The following GALNT15 variants were observed in gnomAD, a reference collection of about 807,000 sequenced individuals.
GALNT15 encodes the protein polypeptide N-acetylgalactosaminyltransferase 15, also known as UDP-GalNAc transferase T15.
GALNT15 carries 67 observed loss-of-function variants against 66.8 expected under a neutral mutation model. That is an observed-to-expected ratio of 1.00 (90% CI 0.82 to 1.23). The LOEUF is 1.23. Among genes scored for constraint, GALNT15 ranks in the 50% most tolerant of loss-of-function variants. The pLI, the probability that GALNT15 is intolerant of heterozygous loss-of-function variation, is 0.00. For synonymous variants in GALNT15, 313 were observed against 311.5 expected, an observed-to-expected ratio of 1.00 and a Z score of -0.05; for missense variants, 827 against 804.3, an observed-to-expected ratio of 1.03 and a Z score of -0.34.
chr3:16,174,921 A>C lies in GALNT15; in HGVS notation c.-231A>C, dbSNP rs1574964074. The C allele has an allele frequency of 1.9e-6, 1 of 524,190 alleles. No individual in the cohort carries two copies. The highest frequency in any genetic ancestry group is 3.4e-5 in the South Asian group (1 of 29,544). The allele number at this position is 524,190 out of a possible 1,614,324, so 32.5% of individuals were successfully genotyped here. A position where few individuals can be genotyped will look rare whatever the true frequency, so the allele number is the denominator to read the frequency against. On this transcript the variant is annotated 5_prime_UTR_variant, in exon 1 of 10. Transcript: ENST00000339732. The surrounding 1 kb of genome is among the most constrained non-coding windows in gnomAD (Gnocchi z 4.7). Reference sequence around the variant, plus strand: ...TGGGCTTTCAGAAGGCAATTAAAGAAATCCACTCAGAGAGGACTTGGGGTG... The same window carrying C: ...TGGGCTTTCAGAAGGCAATTAAAGACATCCACTCAGAGAGGACTTGGGGTG...
intron 1 of GALNT15, among the ~76,000 whole-genome samples, chr3:16,185,744 C>CAGAT (rs1286452272): frequency 1.1e-4 from 14 of 124,830 alleles, no homozygotes; most frequent in African/African-American, 4.8e-4. Context: ...TGGTGATAGA[C>CAGAT]AGACAGATAG....
At chr3:16,221,692 A>G (rs1048101085) in intron 8 of GALNT15, among the ~76,000 whole-genome samples, 5 of 152,196 alleles carry the variant, frequency 3.3e-5, no homozygotes, top group African/African-American at 1.2e-4. Context: ...TGCCACAGGA[A>G]AATGGTAAGA....
chr3:16,195,688 G>A lies in GALNT15; in HGVS notation c.540-72G>A. Reference sequence around the variant, plus strand: ...GGCAGCTCCAGCCAGAGCAAAGGAAGCGAGTTAGAGGGTGTGGAGTGTTTC... The same window carrying A: ...GGCAGCTCCAGCCAGAGCAAAGGAAACGAGTTAGAGGGTGTGGAGTGTTTC... On this transcript the variant is annotated intron_variant, in intron 1 of 9. Transcript: ENST00000339732. This position sits in a 1 kb window ranked among gnomAD's most constrained non-coding sequence, Gnocchi z 4.6. The A allele has an allele frequency of 7.2e-7, 1 of 1,386,516 alleles. No individual in the cohort carries two copies. The highest frequency in any genetic ancestry group is 9.9e-7 in the Non-Finnish European group (1 of 1,006,398). The allele number at this position is 1,386,516 out of a possible 1,614,324, so 85.9% of individuals were successfully genotyped here.
Position 16,228,394 on chromosome 3 carries a change from A to C in GALNT15, c.*894A>C. ...GGTGGCTCATGCCTGTAATTCCAGC[A>C]CTTTGGGAGGCAGAGTTGGGAGGAT... On this transcript the variant is annotated 3_prime_UTR_variant, in exon 10 of 10. Coordinates refer to ENST00000339732, the MANE Select transcript of GALNT15 (RefSeq NM_054110.5). 1.1e-6 allele frequency: 1 copy of C among 947,638 alleles called. No individual in the cohort carries two copies. The highest frequency in any genetic ancestry group is 1.3e-6 in the Non-Finnish European group (1 of 795,258). The allele number at this position is 947,638 out of a possible 1,614,324, so 58.7% of individuals were successfully genotyped here.
intron 6 of GALNT15, among the ~76,000 whole-genome samples, chr3:16,213,552 T>TGGCTGCTCAGC (rs1305076452): frequency 1.3e-5 from 2 of 151,952 alleles, no homozygotes; most frequent in Non-Finnish European, 2.9e-5. Context: ...AATTGGTCAG[T>TGGCTGCTCAGC]GGCTGCTCAG....
downstream of GALNT15, among the ~76,000 whole-genome samples, chr3:16,234,060 T>C (rs6800193): frequency 0.028 from 4,262 of 152,304 alleles, 187 homozygotes; most frequent in African/African-American, 0.096. Flanking sequence ...CAGCCACATC[T>C]AATAGCTAAA....
At chr3:16,235,204 T>C (rs2064119057), downstream of GALNT15, among the ~76,000 whole-genome samples, 1 of 152,160 alleles carries the variant, frequency 6.6e-6, no homozygotes, top group Non-Finnish European at 1.5e-5. Flanking sequence ...ATTACAGGTG[T>C]GAGCCACCGT....
chr3:16,233,031 C>T (rs2064098715), downstream of GALNT15, among the ~76,000 whole-genome samples: 1 of 149,620 alleles, frequency 6.7e-6, no homozygotes, highest in Non-Finnish European at 1.5e-5. Flanking sequence ...TTGCTTCTAA[C>T]GGATCTCTTT....
chr3:16,184,310 TC>T lies in GALNT15; in HGVS notation c.539+8623del, dbSNP rs987319713. Among the ~76,000 whole-genome samples the T allele has an allele frequency of 9.8e-5, 15 of 152,360 alleles. 1 individual carries two copies. The highest frequency in any genetic ancestry group is 3.6e-4 in the African/African-American group (15 of 41,584). ...TTTCTTCCTGGATCCTCTGCATAAG[TC>T]CCTAGTCACTTGGGGCCTTGCTTTA... On this transcript the variant is annotated intron_variant, in intron 1 of 9. Coordinates refer to ENST00000339732, the MANE Select transcript of GALNT15 (RefSeq NM_054110.5). The surrounding 1 kb of genome is among the most constrained non-coding windows in gnomAD (Gnocchi z 5.0).
Position 16,187,179 on chromosome 3 carries a change from G to A in GALNT15, c.540-8581G>A, listed in dbSNP as rs147292634. On this transcript the variant is annotated intron_variant, in intron 1 of 9. Coordinates refer to ENST00000339732, the MANE Select transcript of GALNT15 (RefSeq NM_054110.5). The surrounding 1 kb of genome is among the most constrained non-coding windows in gnomAD (Gnocchi z 5.1). Reference sequence around the variant, plus strand: ...CTCAGGAGGCTGAGGTGGGAGAATCGCCTGAACCTGGGAGGTGGAGGTTGC... The same window carrying A: ...CTCAGGAGGCTGAGGTGGGAGAATCACCTGAACCTGGGAGGTGGAGGTTGC... 5.6e-3 allele frequency among the ~76,000 whole-genome samples: 860 copies of A among 152,222 alleles called. 6 individuals are homozygous for A. Among genetic ancestry groups the A allele is most frequent in the Admixed American group, 7.1e-3 (108 of 15,302 alleles).
chr3:16,211,955 A>G lies in GALNT15; in HGVS notation c.1198-614A>G, dbSNP rs1419464250. 1.3e-5 allele frequency among the ~76,000 whole-genome samples: 2 copies of G among 152,234 alleles called. No individual in the cohort carries two copies. The highest frequency in any genetic ancestry group is 3.8e-4 in the East Asian group (2 of 5,198). On this transcript the variant is annotated intron_variant, in intron 5 of 9. Coordinates refer to ENST00000339732, the MANE Select transcript of GALNT15 (RefSeq NM_054110.5). The surrounding 1 kb of genome is among the most constrained non-coding windows in gnomAD (Gnocchi z 4.3). Reference sequence around the variant, plus strand: ...CCTTGGCACATAATTTGGGAACTCCAGTTTTGGTGTTTCCATTCATATGCT... The same window carrying G: ...CCTTGGCACATAATTTGGGAACTCCGGTTTTGGTGTTTCCATTCATATGCT...
chr3:16,198,351 GA>G (rs34211296), intron 2 of GALNT15, among the ~76,000 whole-genome samples: 32,057 of 138,048 alleles, frequency 0.23, 8,341 homozygotes, highest in African/African-American at 0.45. Context: ...GTGCTCTTCG[GA>G]AAAAAAAAAT....
At position 16,211,129 on chromosome 3, in the gene GALNT15, C is replaced by T. The variant is rs758899230; in HGVS notation, c.1085C>T (p.Pro362Leu). The T allele has an allele frequency of 6.2e-7, 1 of 1,611,576 alleles. No homozygotes were observed. The highest frequency in any genetic ancestry group is 8.5e-7 in the Non-Finnish European group (1 of 1,177,856). ...LQSPISPIRS[P>L]VVPGEVVAMD... ...TGCCTGTCTTCTGTGTCCAGGAGCC[C>T]TGTGGTGCCCGGAGAGGTGGTGGCC... Residue 362 changes from proline to leucine, a missense_variant, in exon 5 of 10, where the codon CCT becomes CTT. Physicochemically the swap from Pro to Leu is moderately conservative, Grantham distance 98. Transcript: ENST00000339732. This position sits in a 1 kb window ranked among gnomAD's most constrained non-coding sequence, Gnocchi z 4.3.
At position 16,219,274 on chromosome 3, in the gene GALNT15, G is replaced by A. The variant is rs998146596; in HGVS notation, c.1393-129G>A. On this transcript the variant is annotated intron_variant, in intron 6 of 9. Transcript: ENST00000339732. This position sits in a 1 kb window ranked among gnomAD's most constrained non-coding sequence, Gnocchi z 4.3. ...TGACCCTCCCCACTGCAGCCCTGGAGAACTGTGGTCTTGGCCCCTTCCTTC... is the reference window on the plus strand; with the variant it reads ...TGACCCTCCCCACTGCAGCCCTGGAAAACTGTGGTCTTGGCCCCTTCCTTC... 12 of 1,150,416 alleles carry A rather than the reference G, an allele frequency of 1.0e-5. No homozygotes were observed. Among genetic ancestry groups the A allele is most frequent in the Admixed American group, 2.1e-5 (1 of 48,516 alleles). The allele number at this position is 1,150,416 out of a possible 1,614,324, so 71.3% of individuals were successfully genotyped here. A position where few individuals can be genotyped will look rare whatever the true frequency, so the allele number is the denominator to read the frequency against.
In GALNT15 at chr3:16,191,615, C is replaced by G. The variant is rs186635736; in HGVS notation, c.540-4145C>G. Among the ~76,000 whole-genome samples the G allele has an allele frequency of 5.8e-4, 88 of 152,360 alleles. No homozygotes were observed. The highest frequency in any genetic ancestry group is 1.0e-3 in the Admixed American group (16 of 15,298). On this transcript the variant is annotated intron_variant, in intron 1 of 9. Coordinates refer to ENST00000339732, the MANE Select transcript of GALNT15 (RefSeq NM_054110.5). This position sits in a 1 kb window ranked among gnomAD's most constrained non-coding sequence, Gnocchi z 5.2. ...TGTTCTGTGAAATCAAAGAAAGGAA[C>G]TTGAGTGCCCTGGTCACCATTTAAC...
At chr3:16,226,595 C>A (rs1229735049) in intron 9 of GALNT15, among the ~76,000 whole-genome samples, 1 of 151,724 alleles carries the variant, frequency 6.6e-6, no homozygotes, top group Non-Finnish European at 1.5e-5. Flanking sequence ...TGTGAGAACT[C>A]TATCAAGAAA....
chr3:16,242,397 C>A, the GALNT15 span, among the ~76,000 whole-genome samples: 1 of 152,152 alleles, frequency 6.6e-6, no homozygotes, highest in African/African-American at 2.4e-5. This position sits in a 1 kb window ranked among gnomAD's most constrained non-coding sequence, Gnocchi z 5.6. Flanking sequence ...ATCTCTGTGA[C>A]CAGGAGCTTG....
rs1383923226 is a variant in GALNT15 at position 16,180,732 on chromosome 3, C to T, written c.539+5042C>T. ...AAAAGAGAGCAGAGAGGAACAGGCTCCCTCATGGCCCCGGCAGTTTGTCCC... is the reference window on the plus strand; with the variant it reads ...AAAAGAGAGCAGAGAGGAACAGGCTTCCTCATGGCCCCGGCAGTTTGTCCC... On this transcript the variant is annotated intron_variant, in intron 1 of 9. Transcript: ENST00000339732. This position sits in a 1 kb window ranked among gnomAD's most constrained non-coding sequence, Gnocchi z 5.0. Among the ~76,000 whole-genome samples, 7 of 152,230 alleles carry T rather than the reference C, an allele frequency of 4.6e-5. No individual in the cohort carries two copies. In the South Asian group the frequency reaches 8.3e-4, roughly 18 times the overall value.
chr3:16,234,923 C>CT (rs1203363973), downstream of GALNT15, among the ~76,000 whole-genome samples: 5,307 of 131,070 alleles, frequency 0.04, 342 homozygotes, highest in African/African-American at 0.13. Context: ...TTATCCCAAT[C>CT]TTTTTTTTTT....
Sources: gnomAD v4.1 joint callset for allele counts (sites outside exome capture counted in the v4.1 genomes callset) on GRCh38, gnomAD v4.1.1 for gene constraint, Gnocchi (gnomAD v3.1) non-coding constraint, MANE v1.5 for transcripts, NCBI Gene and HGNC (gene_info 2026-07-23, HGNC 2026-07-21) for gene names.